The following SRBD1 variants were observed in gnomAD, a reference collection of about 807,000 sequenced individuals.
SRBD1 encodes the protein S1 RNA binding domain 1.
A neutral mutation model predicts 115.3 loss-of-function variants in SRBD1; 88 were observed. That is an observed-to-expected ratio of 0.76 (90% CI 0.64 to 0.91). The LOEUF (loss-of-function observed/expected upper bound fraction) is 0.91. Among genes scored for constraint, SRBD1 ranks in the 40% least tolerant of loss-of-function variants. The probability of loss-of-function intolerance (pLI) is 0.00; values close to 1 mark genes in which losing one functional copy is unlikely to be tolerated. For missense variants in SRBD1, 1,385 were observed against 1,177.4 expected, an observed-to-expected ratio of 1.18 and a Z score of -2.58; for synonymous variants, 509 against 407.7, an observed-to-expected ratio of 1.25 and a Z score of -2.99.
intron 7 of SRBD1, among the ~76,000 whole-genome samples, chr2:45,575,593 A>G (rs1243145047): frequency 6.6e-6 from 1 of 152,260 alleles, no homozygotes; most frequent in Admixed American, 6.5e-5. Flanking sequence ...GATATTTGTT[A>G]TGGCATAATT....
At chr2:45,581,245 T>C (rs951474564) in intron 6 of SRBD1, among the ~76,000 whole-genome samples, 9 of 152,156 alleles carry the variant, frequency 5.9e-5, no homozygotes, top group South Asian at 2.1e-4. Flanking sequence ...ATTTTTTTCC[T>C]ACCTCCTTAT....
intron 14 of SRBD1, among the ~76,000 whole-genome samples, chr2:45,522,301 T>C (rs541527910): frequency 6.6e-6 from 1 of 152,062 alleles, no homozygotes; most frequent in African/African-American, 2.4e-5. Context: ...GCCTCCCAAG[T>C]AGCTGTAGCT....
chr2:45,417,779 G>C (rs1348329275), intron 18 of SRBD1, among the ~76,000 whole-genome samples: 1 of 152,162 alleles, frequency 6.6e-6, no homozygotes, highest in East Asian at 1.9e-4. Context: ...ACATATCTAT[G>C]CTTAGGGAAC....
At chr2:45,599,423 A>C (rs1299166341) in intron 4 of SRBD1, 26 bp downstream of exon 4, 2 of 1,594,692 alleles carry the variant, frequency 1.3e-6, no homozygotes, top group Non-Finnish European at 1.7e-6. Flanking sequence ...AAAACAACTA[A>C]AGTGACAGAA....
intron 4 of SRBD1, among the ~76,000 whole-genome samples, chr2:45,595,213 A>T (rs368194428): frequency 3.9e-5 from 6 of 152,260 alleles, no homozygotes; most frequent in African/African-American, 1.4e-4. Flanking sequence ...CAAACAAGAC[A>T]GTGATGTTCC....
At position 45,605,360 on chromosome 2, in the gene SRBD1, A is replaced by G; in HGVS notation, c.80+2T>C. 6.2e-7 allele frequency: 1 copy of G among 1,612,616 alleles called. No homozygotes were observed. The highest frequency in any genetic ancestry group is 8.5e-7 in the Non-Finnish European group (1 of 1,179,344). On this transcript the variant is annotated splice_donor_variant, in intron 2 of 20. Transcript: ENST00000263736. LOFTEE classifies it high-confidence loss of function. The stretch of plus-strand genomic sequence containing the variant: ...ACCCACATATTAAACCAGTATGCTT[A>G]CAACTCAGAGAATGAAGAAAATTCA...
rs568436500 is a variant in SRBD1, at chr2:45,550,996, C to G, written c.1675+129G>C. ...GTTTGATTATCTGGTTCCCAACACC[C>G]CTGTATGTGAGAAAACCACTTTTTA... On this transcript the variant is annotated intron_variant, in intron 12 of 20. Coordinates refer to ENST00000263736, the MANE Select transcript of SRBD1 (RefSeq NM_018079.5). 1.1e-3 allele frequency: 1,107 copies of G among 1,033,708 alleles called. 3 individuals are homozygous for G. The highest frequency in any genetic ancestry group is 1.3e-3 in the Non-Finnish European group (938 of 741,790). The allele number at this position is 1,033,708 out of a possible 1,614,324, so 64.0% of individuals were successfully genotyped here.
chr2:45,581,590 C>T (rs1673365792), intron 6 of SRBD1, 103 bp downstream of exon 6: 1 of 753,602 alleles, frequency 1.3e-6, no homozygotes, highest in Non-Finnish European at 2.2e-6. Context: ...ATAATGGTGG[C>T]TAATGACGTT....
At chr2:45,436,879 T>C (rs1424117584) in intron 16 of SRBD1, among the ~76,000 whole-genome samples, 3 of 152,164 alleles carry the variant, frequency 2.0e-5, no homozygotes, top group African/African-American at 4.8e-5. Flanking sequence ...TTCAAAAGAA[T>C]TGATTAAAAA....
At chr2:45,541,676 G>C (rs563161699) in intron 14 of SRBD1, among the ~76,000 whole-genome samples, 9 of 152,284 alleles carry the variant, frequency 5.9e-5, no homozygotes, top group African/African-American at 1.9e-4. Context: ...TTATCCCAAT[G>C]AGTGTCCAGC....
At chr2:45,447,902 A>G (rs1387755282) in intron 16 of SRBD1, 2 of 152,214 alleles carry the variant, frequency 1.3e-5, no homozygotes, top group Non-Finnish European at 2.9e-5. Flanking sequence ...TTTTCTCTCC[A>G]TATCTTAACA....
At chr2:45,511,725 T>G (rs1206302222) in intron 14 of SRBD1, among the ~76,000 whole-genome samples, 1 of 152,244 alleles carries the variant, frequency 6.6e-6, no homozygotes, top group Non-Finnish European at 1.5e-5. Context: ...ATAAGAAGCC[T>G]CTTAGACTTG....
At chr2:45,389,878 T>G (rs1435905391) in intron 20 of SRBD1, among the ~76,000 whole-genome samples, 2 of 152,336 alleles carry the variant, frequency 1.3e-5, no homozygotes, top group African/African-American at 4.8e-5. Flanking sequence ...AGTCTTATTT[T>G]CCTCTTTGTG....
intron 8 of SRBD1, among the ~76,000 whole-genome samples, chr2:45,573,742 T>C (rs1673092074): frequency 6.6e-6 from 1 of 152,192 alleles, no homozygotes; most frequent in Non-Finnish European, 1.5e-5. Context: ...TCAGGACAGC[T>C]TCCAATAACA....
chr2:45,559,979 G>A (rs992749404), intron 10 of SRBD1, among the ~76,000 whole-genome samples: 2 of 152,068 alleles, frequency 1.3e-5, no homozygotes, highest in South Asian at 2.1e-4. Context: ...TACTCAGGAG[G>A]CTCAGGTGAG....
intron 14 of SRBD1, among the ~76,000 whole-genome samples, chr2:45,493,849 T>C (rs1417601993): frequency 6.6e-6 from 1 of 151,472 alleles, no homozygotes; most frequent in African/African-American, 2.4e-5. Context: ...GGTAATCTAG[T>C]GATTAAGAGG....
At chr2:45,541,582 T>G (rs1671940013) in intron 14 of SRBD1, among the ~76,000 whole-genome samples, 1 of 152,224 alleles carries the variant, frequency 6.6e-6, no homozygotes. Context: ...GGGCAGCTCC[T>G]TTCCGCAGGC....
At chr2:45,555,026 T>TC (rs1167469669) in intron 10 of SRBD1, among the ~76,000 whole-genome samples, 1 of 151,830 alleles carries the variant, frequency 6.6e-6, no homozygotes, top group Non-Finnish European at 1.5e-5. Context: ...GATGATTTTA[T>TC]CCCCCTTACC....
At chr2:45,600,195 A>G (rs1032105452) in intron 3 of SRBD1, among the ~76,000 whole-genome samples, 6 of 152,198 alleles carry the variant, frequency 3.9e-5, no homozygotes, top group Admixed American at 2.6e-4. Flanking sequence ...ACATACATAT[A>G]CATACACATG....
Sources: allele counts gnomAD v4.1 joint callset (sites outside exome capture counted in the v4.1 genomes callset), GRCh38; gene constraint gnomAD v4.1.1; transcripts MANE v1.5; gene names NCBI Gene and HGNC (gene_info 2026-07-23, HGNC 2026-07-21).